COL27A1: variants seen among roughly 807,000 people sequenced by gnomAD.
COL27A1 encodes collagen alpha-1(XXVII) chain.
In COL27A1, 106 loss-of-function variants were observed where a neutral mutation model predicts 251.3. That is an observed-to-expected ratio of 0.42 (90% CI 0.36 to 0.50). The LOEUF (loss-of-function observed/expected upper bound fraction) is 0.50. COL27A1 is among the 20% of genes least tolerant of loss of function. The probability of loss-of-function intolerance (pLI) is 0.00; values close to 1 mark genes in which losing one functional copy is unlikely to be tolerated. For missense variants in COL27A1, 2,325 were observed against 2,522.8 expected, an observed-to-expected ratio of 0.92 and a Z score of 1.68; for synonymous variants, 1,000 against 986.3, an observed-to-expected ratio of 1.01 and a Z score of -0.26.
At chr9:114,178,423 T>G in intron 4 of COL27A1, 79 bp downstream of exon 4, 3 of 1,315,100 alleles carry the variant, frequency 2.3e-6, no homozygotes, top group Non-Finnish European at 3.3e-6. Context: ...GTCTCGGGTT[T>G]GCTGTGTGTC....
chr9:114,258,121 C>G (rs1426151807), intron 27 of COL27A1, among the ~76,000 whole-genome samples: 1 of 152,116 alleles, frequency 6.6e-6, no homozygotes, highest in South Asian at 2.1e-4. Context: ...CACTTGAGCC[C>G]GGAGCTCAAG....
chr9:114,292,457 G>A (rs1827990614), intron 49 of COL27A1, among the ~76,000 whole-genome samples: 1 of 152,178 alleles, frequency 6.6e-6, no homozygotes, highest in South Asian at 2.1e-4. Flanking sequence ...AGGAGAGGGT[G>A]ATCACAACCA....
In COL27A1 at chr9:114,250,600, G is replaced by A. The variant is rs771249365; in HGVS notation, c.2980-15G>A. On this transcript the variant is annotated splice_polypyrimidine_tract_variant and intron_variant, in intron 24 of 60. Coordinates refer to ENST00000356083, the MANE Select transcript of COL27A1 (RefSeq NM_032888.4). Reference sequence around the variant, plus strand: ...TTCACGTTGTTTCTCTTGCTTTCGGGAATGTGTCTCATAGGGATTTATGGG... The same window carrying A: ...TTCACGTTGTTTCTCTTGCTTTCGGAAATGTGTCTCATAGGGATTTATGGG... 1.9e-6 allele frequency: 3 copies of A among 1,610,686 alleles called. No individual in the cohort carries two copies. The Admixed American group carries it at 5.0e-5, about 27-fold the overall frequency.
chr9:114,301,915 C>T (rs1828675001), intron 55 of COL27A1, among the ~76,000 whole-genome samples, 167 bp from the exon 56 acceptor site: 1 of 152,146 alleles, frequency 6.6e-6, no homozygotes, highest in African/African-American at 2.4e-5. Flanking sequence ...GGCCAGGCCT[C>T]CAGAAAAGCA....
At chr9:114,266,498 C>A in intron 32 of COL27A1, 67 bp from the exon 33 acceptor site, 1 of 1,392,166 alleles carries the variant, frequency 7.2e-7, no homozygotes, top group Admixed American at 1.8e-5. Flanking sequence ...CTCATTCACC[C>A]CTCCAGATCC....
At chr9:114,223,499 C>T (rs1193787006) in intron 14 of COL27A1, among the ~76,000 whole-genome samples, 4 of 152,142 alleles carry the variant, frequency 2.6e-5, no homozygotes, top group Non-Finnish European at 5.9e-5. Flanking sequence ...GAGGTGAGAG[C>T]TCTCTGTGTC....
chr9:114,304,517 C>A, intron 56 of COL27A1, 91 bp from the exon 57 acceptor site: 1 of 1,206,500 alleles, frequency 8.3e-7, no homozygotes, highest in Non-Finnish European at 1.2e-6. Flanking sequence ...GGCCAAGATC[C>A]TGCCAGGGAA....
In COL27A1 at chr9:114,155,870, G is replaced by T. The variant is rs1848085155; in HGVS notation, c.-81G>T. On this transcript the variant is annotated 5_prime_UTR_variant, in exon 1 of 61. Coordinates refer to ENST00000356083, the MANE Select transcript of COL27A1 (RefSeq NM_032888.4). The surrounding 1 kb of genome is among the most constrained non-coding windows in gnomAD (Gnocchi z 5.5). ...CGCGCGCTCTAAGCCGGCCTGGCGCGGCGGGGCGGGGGGCTGGCGGCCCCA... is the reference window on the plus strand; with the variant it reads ...CGCGCGCTCTAAGCCGGCCTGGCGCTGCGGGGCGGGGGGCTGGCGGCCCCA... 2.8e-6 allele frequency: 3 copies of T among 1,069,614 alleles called. No homozygotes were observed. The highest frequency in any genetic ancestry group is 1.7e-5 in the African/African-American group (1 of 59,046). The allele number at this position is 1,069,614 out of a possible 1,614,324, so 66.3% of individuals were successfully genotyped here.
intron 36 of COL27A1, chr9:114,271,951 C>T: frequency 6.6e-6 from 1 of 152,378 alleles, no homozygotes; most frequent in African/African-American, 2.4e-5. Flanking sequence ...GAGAGCACCC[C>T]CTGTCTGTCA....
intron 16 of COL27A1, among the ~76,000 whole-genome samples, chr9:114,232,935 G>A (rs1469108402): frequency 6.6e-6 from 1 of 152,236 alleles, no homozygotes; most frequent in East Asian, 1.9e-4. Context: ...GCTGGGCGTG[G>A]TCGTGGGTGC....
At chr9:114,242,043 G>A (rs1435821927) in intron 21 of COL27A1, 144 bp from the exon 22 acceptor site, 11 of 617,988 alleles carry the variant, frequency 1.8e-5, no homozygotes, top group Non-Finnish European at 2.9e-5. Context: ...GTGGGGCCAG[G>A]CAGGTGGGCC....
intron 37 of COL27A1, among the ~76,000 whole-genome samples, chr9:114,277,072 C>G (rs1406756102): frequency 6.6e-6 from 1 of 152,166 alleles, no homozygotes; most frequent in Non-Finnish European, 1.5e-5. Flanking sequence ...CAGGGCTTGG[C>G]TGTGGGGCTG....
intron 41 of COL27A1, among the ~76,000 whole-genome samples, chr9:114,286,548 G>C (rs1827502079): frequency 2.0e-5 from 3 of 152,096 alleles, no homozygotes; most frequent in Admixed American, 6.5e-5. Context: ...CAAAGCTGGT[G>C]GCCAGAGAGA....
intron 14 of COL27A1, among the ~76,000 whole-genome samples, chr9:114,228,349 C>G (rs1311096958): frequency 6.6e-6 from 1 of 152,268 alleles, no homozygotes. Flanking sequence ...ACTCCTCCAG[C>G]AGAGCCCGCC....
rs1829448895 is a variant in COL27A1 at position 114,311,548 on chromosome 9, G to GAAAAAAAAAAAAAAAAGAAAAAAAA, written c.*869_*870insGAAAAAAAAAAAAAAAAAAAAAAAA. The GAAAAAAAAAAAAAAAAGAAAAAAAA allele has an allele frequency of 1.0e-5, 1 of 96,224 alleles. No individual in the cohort carries two copies. Among genetic ancestry groups the GAAAAAAAAAAAAAAAAGAAAAAAAA allele is most frequent in the Non-Finnish European group, 2.4e-5 (1 of 41,946 alleles). 6.0% of individuals were successfully genotyped at this position (96,224 alleles called of 1,614,324 possible). ...AGGAGGAAAAAAGAAAAGAAAAAAG[G>GAAAAAAAAAAAAAAAAGAAAAAAAA]AAAAAAAAAAAAAAAAAGCAAAACA... On this transcript the variant is annotated 3_prime_UTR_variant, in exon 61 of 61. Transcript: ENST00000356083.
intron 5 of COL27A1, among the ~76,000 whole-genome samples, chr9:114,185,987 G>A (rs1828309996): frequency 6.6e-6 from 1 of 152,190 alleles, no homozygotes; most frequent in Admixed American, 6.5e-5. Context: ...TCCCTCCGGA[G>A]GGTGCAGAAG....
chr9:114,187,210 A>G (rs780417296), intron 5 of COL27A1, among the ~76,000 whole-genome samples: 11 of 152,014 alleles, frequency 7.2e-5, no homozygotes, highest in Non-Finnish European at 1.0e-4. Flanking sequence ...GGCACTTGAG[A>G]TCAGAGATGG....
intron 12 of COL27A1, chr9:114,217,730 A>T (rs570998884): frequency 2.1e-6 from 1 of 469,116 alleles, no homozygotes; most frequent in South Asian, 1.6e-5. Flanking sequence ...GCCAGACAAC[A>T]TTGCCCTTGT....
chr9:114,257,206 T>A (rs1006794127), intron 27 of COL27A1, among the ~76,000 whole-genome samples: 1 of 151,682 alleles, frequency 6.6e-6, no homozygotes, highest in Non-Finnish European at 1.5e-5. Context: ...TCCCTGGTAT[T>A]CAGAGGAGGG....
Sources: gnomAD v4.1 joint callset for allele counts (sites outside exome capture counted in the v4.1 genomes callset) on GRCh38, gnomAD v4.1.1 for gene constraint, Gnocchi (gnomAD v3.1) non-coding constraint, MANE v1.5 for transcripts, NCBI Gene and HGNC (gene_info 2026-07-23, HGNC 2026-07-21) for gene names.